SIN3A: variants seen among roughly 807,000 people sequenced by gnomAD.
SIN3A encodes paired amphipathic helix protein Sin3a.
In SIN3A, 14 loss-of-function variants were observed where a neutral mutation model predicts 146.1. The ratio of observed to expected loss-of-function variants is 0.10; its 90% CI spans 0.06 to 0.15. SIN3A has a LOEUF of 0.15. Ranked by LOEUF, SIN3A falls within the 10% of genes least tolerant of loss-of-function variation. SIN3A has a pLI of 1.00. For missense variants in SIN3A, 1,028 were observed against 1,576.0 expected (o/e 0.65, Z 5.89); for synonymous variants, 572 against 572.0 (o/e 1.00, Z 0.00).
chr15:75,426,199 C>A (rs1186158308), intron 2 of SIN3A, among the ~76,000 whole-genome samples: 1 of 152,176 alleles, frequency 6.6e-6, no homozygotes, highest in African/African-American at 2.4e-5. Flanking sequence ...CCAAGGTAAA[C>A]AAGCAACTTT....
chr15:75,451,758 C>T (rs2141653061), upstream of SIN3A: 1 of 149,788 alleles, frequency 6.7e-6, no homozygotes, highest in East Asian at 2.1e-4. Context: ...CGTTCCAATA[C>T]AGGACGCAAT....
chr15:75,416,474 C>T (rs1417394700), intron 3 of SIN3A, among the ~76,000 whole-genome samples: 1 of 152,114 alleles, frequency 6.6e-6, no homozygotes, highest in Non-Finnish European at 1.5e-5. Context: ...TACAGGCACC[C>T]GCCAGCATGC....
At chr15:75,386,633 C>T (rs1019533344) in intron 16 of SIN3A, among the ~76,000 whole-genome samples, 11 of 152,124 alleles carry the variant, frequency 7.2e-5, no homozygotes, top group African/African-American at 2.4e-4. Context: ...GAGCACATGC[C>T]GTATGTTCAT....
intron 16 of SIN3A, among the ~76,000 whole-genome samples, chr15:75,386,237 A>G (rs1456491059): frequency 1.3e-5 from 2 of 152,204 alleles, no homozygotes; most frequent in Non-Finnish European, 2.9e-5. Flanking sequence ...CATGTTGCCC[A>G]GTCTGATCTC....
intron 2 of SIN3A, among the ~76,000 whole-genome samples, chr15:75,428,839 G>C (rs1048332253): frequency 6.6e-6 from 1 of 152,018 alleles, no homozygotes; most frequent in Non-Finnish European, 1.5e-5. Context: ...TCCCACCTCT[G>C]CCAACCCTGA....
At chr15:75,416,061 T>C (rs1258880615) in intron 3 of SIN3A, 2 of 267,976 alleles carry the variant, frequency 7.5e-6, no homozygotes, top group East Asian at 9.5e-5. Context: ...CTGGTGACTG[T>C]AAAGTTTGAA....
intron 8 of SIN3A, among the ~76,000 whole-genome samples, chr15:75,408,876 T>C (rs974781129): frequency 1.3e-5 from 2 of 152,184 alleles, no homozygotes; most frequent in Non-Finnish European, 2.9e-5. Flanking sequence ...AGCTCAAGAA[T>C]GTTCTTTCTT....
At position 75,375,826 on chromosome 15, in the gene SIN3A, C is replaced by G. The variant is rs2072843870; in HGVS notation, c.3430G>C (p.Glu1144Gln). Residue 1144 changes from glutamate (E) to glutamine (Q), a missense_variant, in exon 20 of 21, where the codon GAA becomes CAA. Physicochemically the swap from Glu to Gln is conservative, Grantham distance 29. Coordinates refer to ENST00000394947, the MANE Select transcript of SIN3A (RefSeq NM_001145358.2). ...RKCQRGREQQ[E>Q]KEGKEGNSKK... ...CTGTTTCCTTCCTTCCCTTCCTTTT[C>G]CTGCTGCTCTCGACCACGTTGACAC... 1 of 1,614,214 alleles carries G rather than the reference C, an allele frequency of 6.2e-7. No individual in the cohort carries two copies. Among genetic ancestry groups the G allele is most frequent in the Non-Finnish European group, 8.5e-7 (1 of 1,180,052 alleles).
At position 75,411,757 on chromosome 15, in the gene SIN3A, A is replaced by C. The variant is rs751533374; in HGVS notation, c.757-14T>G. On this transcript the variant is annotated splice_polypyrimidine_tract_variant and intron_variant, in intron 5 of 20. Coordinates refer to ENST00000394947, the MANE Select transcript of SIN3A (RefSeq NM_001145358.2). The stretch of plus-strand genomic sequence containing the variant: ...CAGTTGGGAGGGCTAGAAAGAAAAG[A>C]AATCTTTATTCTCTTCAGATGCATA... 11 of 1,567,422 alleles carry C rather than the reference A, an allele frequency of 7.0e-6. No individual in the cohort carries two copies. The highest frequency in any genetic ancestry group is 9.5e-6 in the Non-Finnish European group (11 of 1,157,496).
intron 20 of SIN3A, among the ~76,000 whole-genome samples, chr15:75,373,067 G>A (rs2072783357): frequency 6.6e-6 from 1 of 152,168 alleles, no homozygotes; most frequent in Non-Finnish European, 1.5e-5. Context: ...CTTGGCAGAT[G>A]TTCTGCAGGG....
chr15:75,383,238 C>T (rs2073008561), intron 17 of SIN3A, among the ~76,000 whole-genome samples: 1 of 150,316 alleles, frequency 6.7e-6, no homozygotes, highest in Admixed American at 6.6e-5. Flanking sequence ...CGCCACTGCA[C>T]TCCAGCCTGG....
chr15:75,405,353 C>T (rs1390534528), intron 9 of SIN3A, among the ~76,000 whole-genome samples: 97 of 146,422 alleles, frequency 6.6e-4, no homozygotes, highest in Middle Eastern at 7.1e-3. Flanking sequence ...GCAACAAGAG[C>T]GAGACTCTGT....
chr15:75,397,781 T>C (rs556784264), intron 12 of SIN3A, among the ~76,000 whole-genome samples: 1 of 152,304 alleles, frequency 6.6e-6, no homozygotes, highest in South Asian at 2.1e-4. Context: ...TGCCTCTCAT[T>C]TGGAGGCATA....
intron 8 of SIN3A, among the ~76,000 whole-genome samples, chr15:75,408,244 C>A (rs1381869594): frequency 6.6e-6 from 1 of 152,174 alleles, no homozygotes; most frequent in Non-Finnish European, 1.5e-5. Flanking sequence ...ATCTACTGAG[C>A]TGATTCTTGC....
chr15:75,400,718 G>C lies in SIN3A; in HGVS notation c.1737+12C>G. Reference sequence around the variant, plus strand: ...AGGACCCAGGGCTGATCTTTGCTAGGGAAGGCCTTACCTCTTTACAGAGAG... The same window carrying C: ...AGGACCCAGGGCTGATCTTTGCTAGCGAAGGCCTTACCTCTTTACAGAGAG... On this transcript the variant is annotated intron_variant, in intron 11 of 20. Transcript: ENST00000394947. 1 of 1,609,422 alleles carries C rather than the reference G, an allele frequency of 6.2e-7. No homozygotes were observed. The highest frequency in any genetic ancestry group is 8.5e-7 in the Non-Finnish European group (1 of 1,177,170).
chr15:75,441,826 G>C (rs928884009), intron 1 of SIN3A, among the ~76,000 whole-genome samples: 1 of 151,994 alleles, frequency 6.6e-6, no homozygotes, highest in African/African-American at 2.4e-5. Flanking sequence ...ATGTCAATCA[G>C]AATGAACAAT....
At chr15:75,441,760 G>A (rs957791009) in intron 1 of SIN3A, among the ~76,000 whole-genome samples, 3 of 152,074 alleles carry the variant, frequency 2.0e-5, no homozygotes, top group African/African-American at 7.2e-5. Flanking sequence ...TTGTTGGAGA[G>A]AACAGTCATC....
chr15:75,409,265 T>C (rs1274743135), intron 8 of SIN3A, among the ~76,000 whole-genome samples: 3 of 151,708 alleles, frequency 2.0e-5, no homozygotes, highest in Non-Finnish European at 4.4e-5. Context: ...ACCAAAACAT[T>C]AAAGAAATGA....
chr15:75,429,578 C>G (rs2073980493), intron 2 of SIN3A, among the ~76,000 whole-genome samples: 1 of 152,154 alleles, frequency 6.6e-6, no homozygotes, highest in South Asian at 2.1e-4. Context: ...GCAAAACTGT[C>G]TTAATAAGTG....
Sources: gnomAD v4.1 joint callset for allele counts (sites outside exome capture counted in the v4.1 genomes callset) on GRCh38, gnomAD v4.1.1 for gene constraint, MANE v1.5 for transcripts, NCBI Gene and HGNC (gene_info 2026-07-23, HGNC 2026-07-21) for gene names.